The following CSMD2 variants were observed in gnomAD, a reference collection of about 807,000 sequenced individuals.
The protein encoded by CSMD2 is CUB and sushi domain-containing protein 2.
CSMD2 carries 130 observed loss-of-function variants against 398.5 expected under a neutral mutation model. That is an observed-to-expected ratio of 0.33 (90% CI 0.28 to 0.38). The LOEUF (loss-of-function observed/expected upper bound fraction) is 0.38, where lower values mean the gene tolerates loss of function less well. Among genes scored for constraint, CSMD2 ranks in the 10% least tolerant of loss-of-function variants. The pLI is 1.00. For missense variants in CSMD2, 3,829 were observed against 4,764.9 expected (o/e 0.80, Z 5.78); for synonymous variants, 1,828 against 1,908.5 (o/e 0.96, Z 1.10).
chr1:33,548,101 G>A (rs1657081467), intron 56 of CSMD2, among the ~76,000 whole-genome samples: 1 of 152,212 alleles, frequency 6.6e-6, no homozygotes, highest in South Asian at 2.1e-4. Context: ...CTTCTGCCAT[G>A]ATTGTAAGTT....
chr1:33,616,230 T>A lies in CSMD2; in HGVS notation c.6016+676A>T, dbSNP rs118103460. Reference sequence around the variant, plus strand: ...CGTAGCCCTCAGCATTTCTTTTCCTTTTTTCTTGTCTTTCGTTTTTTTTTT... The same window carrying A: ...CGTAGCCCTCAGCATTTCTTTTCCTATTTTCTTGTCTTTCGTTTTTTTTTT... On this transcript the variant is annotated intron_variant, in intron 39 of 70. Transcript: ENST00000373381. Among the ~76,000 whole-genome samples, 525 of 152,154 alleles carry A rather than the reference T, an allele frequency of 3.5e-3. 9 individuals carry two copies. In the East Asian group the frequency reaches 0.07, roughly 20 times the overall value.
At chr1:33,531,878 TC>T (rs1486182728) in intron 64 of CSMD2, among the ~76,000 whole-genome samples, 2 of 152,180 alleles carry the variant, frequency 1.3e-5, no homozygotes, top group African/African-American at 4.8e-5. Context: ...ATGAAAAAAT[TC>T]TGGAAATGGA....
At chr1:34,083,622 G>A (rs1400082072) in intron 2 of CSMD2, among the ~76,000 whole-genome samples, 5 of 152,162 alleles carry the variant, frequency 3.3e-5, no homozygotes, top group African/African-American at 9.7e-5. Context: ...AGACTTAAAT[G>A]ACACACTAGT....
At chr1:33,963,183 C>T (rs898372852) in intron 3 of CSMD2, among the ~76,000 whole-genome samples, 1 of 152,202 alleles carries the variant, frequency 6.6e-6, no homozygotes, top group African/African-American at 2.4e-5. Context: ...CCTTATGGGG[C>T]CCCTCACCTA....
chr1:33,790,676 TATCTATCTATCTATCTATCTATCTATC>T lies in CSMD2; in HGVS notation c.1550+1720_1550+1746del, dbSNP rs1294334638. 3.5e-4 allele frequency among the ~76,000 whole-genome samples: 52 copies of T among 146,818 alleles called. 1 individual carries two copies. In the East Asian group the frequency reaches 9.9e-3, roughly 28 times the overall value. On this transcript the variant is annotated intron_variant, in intron 11 of 70. Coordinates refer to ENST00000373381, the MANE Select transcript of CSMD2 (RefSeq NM_001281956.2). The stretch of plus-strand genomic sequence containing the variant: ...CTGTTTGTCTGTCTATCTATCTATC[TATCTATCTATCTATCTATCTATCTATC>T]ATCTATCTGTCTATCATCTATCAAT...
chr1:33,915,021 G>A (rs1194203289), intron 5 of CSMD2, among the ~76,000 whole-genome samples: 2 of 152,230 alleles, frequency 1.3e-5, no homozygotes, highest in African/African-American at 4.8e-5. Flanking sequence ...GGGGAAGAGT[G>A]TGGAAACTGA....
chr1:34,110,040 C>CAAAAAAAAAAA (rs57314887), intron 1 of CSMD2, among the ~76,000 whole-genome samples: 3 of 63,384 alleles, frequency 4.7e-5, no homozygotes, highest in Non-Finnish European at 8.2e-5. Context: ...GACTCTGTCT[C>CAAAAAAAAAAA]AAAAAAAAAA....
intron 12 of CSMD2, among the ~76,000 whole-genome samples, chr1:33,778,796 T>C (rs949666603): frequency 2.0e-5 from 3 of 152,164 alleles, no homozygotes; most frequent in African/African-American, 4.8e-5. Context: ...ACTTGGGTGA[T>C]AGCAGAAGGG....
chr1:33,575,732 C>A (rs1660013090), intron 49 of CSMD2, among the ~76,000 whole-genome samples: 1 of 152,234 alleles, frequency 6.6e-6, no homozygotes, highest in African/African-American at 2.4e-5. Flanking sequence ...GACGCAGAGA[C>A]CAAAGCCAAA....
At chr1:34,157,310 A>T (rs1436809243) in intron 1 of CSMD2, among the ~76,000 whole-genome samples, 2 of 152,144 alleles carry the variant, frequency 1.3e-5, no homozygotes, top group African/African-American at 4.8e-5. Flanking sequence ...CAACAATGTG[A>T]GGCGGGTCAA....
At chr1:34,144,489 T>A (rs1193963503) in intron 1 of CSMD2, among the ~76,000 whole-genome samples, 1 of 152,188 alleles carries the variant, frequency 6.6e-6, no homozygotes, top group African/African-American at 2.4e-5. Context: ...TGCACCCCCT[T>A]AACTTACCCA....
At chr1:33,618,214 G>A (rs1000884525) in intron 37 of CSMD2, among the ~76,000 whole-genome samples, 10 of 152,078 alleles carry the variant, frequency 6.6e-5, no homozygotes, top group African/African-American at 2.2e-4. Context: ...CCCTTTCTGG[G>A]AGCAGCACTG....
At chr1:34,021,136 C>T (rs1446506408) in intron 3 of CSMD2, among the ~76,000 whole-genome samples, 4 of 152,170 alleles carry the variant, frequency 2.6e-5, no homozygotes, top group African/African-American at 9.7e-5. Flanking sequence ...GTTAATCACT[C>T]CTGAGTTATT....
At chr1:33,573,559 AAT>A (rs892238329) in intron 49 of CSMD2, among the ~76,000 whole-genome samples, 1 of 152,172 alleles carries the variant, frequency 6.6e-6, no homozygotes, top group Non-Finnish European at 1.5e-5. Context: ...TGAAATGAAA[AAT>A]ATGATTGCCG....
At chr1:33,893,637 G>A (rs981227627) in intron 5 of CSMD2, among the ~76,000 whole-genome samples, 1 of 152,186 alleles carries the variant, frequency 6.6e-6, no homozygotes, top group Non-Finnish European at 1.5e-5. Context: ...TCATCTCCCA[G>A]CCTACAACTT....
intron 5 of CSMD2, among the ~76,000 whole-genome samples, chr1:33,899,403 G>A (rs1209794787): frequency 1.3e-5 from 2 of 152,246 alleles, no homozygotes; most frequent in Non-Finnish European, 2.9e-5. Flanking sequence ...AAAGAGCAGA[G>A]GTTGGGAGGC....
Position 33,792,964 on chromosome 1 carries a change from TTTTG to T in CSMD2, c.1447-442_1447-439del, listed in dbSNP as rs374251668. On this transcript the variant is annotated intron_variant, in intron 10 of 70. Transcript: ENST00000373381. ...TCCTCTGACTGCTTTTCTCCATCCT[TTTTG>T]TTTATTTGTTGAATAAATGAATGTT... is the stretch of plus-strand genomic sequence containing the variant. Among the ~76,000 whole-genome samples the T allele has an allele frequency of 8.7e-3, 1,320 of 152,270 alleles. 25 individuals carry two copies. The highest frequency in any genetic ancestry group is 0.03 in the African/African-American group (1,239 of 41,550).
In CSMD2 at chr1:33,709,256, C is replaced by G. The variant is rs747478101; in HGVS notation, c.3409G>C (p.Glu1137Gln). 3 of 1,612,592 alleles carry G rather than the reference C, an allele frequency of 1.9e-6. No homozygotes were observed. Among genetic ancestry groups the G allele is most frequent in the Non-Finnish European group, 2.5e-6 (3 of 1,179,288 alleles). Residue 1137 changes from glutamate to glutamine, a missense_variant and splice_region_variant, in exon 22 of 71, where the codon GAG becomes CAG. Glu to Gln is a conservative substitution (Grantham distance 29). Around this residue, in one of 5 missense-constraint regions of CSMD2, gnomAD observed 2,001 missense variants for 2,567.1 expected, o/e 0.78. Transcript: ENST00000373381. The stretch of plus-strand genomic sequence containing the variant: ...GTGCCTGTGACTGAATTCCCACACT[C>G]AGCTGGAAAGAGAATCACAATAACC... ...WSSPLPRCVA[E>Q]CGNSVTGTQG...
chr1:33,986,816 T>C (rs1446773231), intron 3 of CSMD2, among the ~76,000 whole-genome samples: 5 of 152,168 alleles, frequency 3.3e-5, no homozygotes, highest in African/African-American at 1.2e-4. Context: ...CAGCATGGAC[T>C]CCAGGGCTCC....
Sources: gnomAD v4.1 joint callset for allele counts (sites outside exome capture counted in the v4.1 genomes callset) on GRCh38, gnomAD v4.1.1 for gene constraint, gnomAD v4.1.1 regional missense constraint, MANE v1.5 for transcripts, NCBI Gene and HGNC (gene_info 2026-07-23, HGNC 2026-07-21) for gene names.